Variants in TAFA2 observed in about 807,000 individuals in gnomAD.
The protein encoded by TAFA2 is chemokine-like protein TAFA-2.
Under a neutral mutation model 18.8 loss-of-function variants are expected in TAFA2, and 7 were observed. The ratio of observed to expected loss-of-function variants is 0.37; its 90% CI spans 0.21 to 0.70. TAFA2 has a LOEUF of 0.70. Ranked by LOEUF, TAFA2 falls within the 30% of genes least tolerant of loss-of-function variation. TAFA2 has a pLI of 0.53. For synonymous variants in TAFA2, 60 were observed against 54.2 expected (o/e 1.11, Z -0.47); for missense variants, 122 against 158.1 (o/e 0.77, Z 1.23).
chr12:61,920,403 A>G (rs1877001294), intron 1 of TAFA2, among the ~76,000 whole-genome samples: 1 of 152,206 alleles, frequency 6.6e-6, no homozygotes, highest in Non-Finnish European at 1.5e-5. Flanking sequence ...TTTTAAGGCC[A>G]TGAAAAAGAT....
chr12:62,094,574 A>G (rs530807203), intron 1 of TAFA2, among the ~76,000 whole-genome samples: 3 of 152,204 alleles, frequency 2.0e-5, no homozygotes, highest in African/African-American at 7.2e-5. Flanking sequence ...CAGAAAAAAT[A>G]TAAACCTTAA....
At chr12:62,088,176 T>C (rs1868537790) in intron 1 of TAFA2, among the ~76,000 whole-genome samples, 1 of 152,086 alleles carries the variant, frequency 6.6e-6, no homozygotes, top group Non-Finnish European at 1.5e-5. Context: ...AACAGTATTG[T>C]TAATGAAGGA....
At chr12:61,809,624 T>G (rs537969770) in intron 2 of TAFA2, among the ~76,000 whole-genome samples, 2 of 151,460 alleles carry the variant, frequency 1.3e-5, no homozygotes, top group South Asian at 4.1e-4. Context: ...CATTTTTAAT[T>G]TAAAAAAAAG....
intron 1 of TAFA2, chr12:61,880,732 G>A: frequency 2.7e-6 from 1 of 375,324 alleles, no homozygotes; most frequent in Non-Finnish European, 5.3e-6. Flanking sequence ...ACCCGCGATG[G>A]GAAGCTTGTG....
intron 1 of TAFA2, among the ~76,000 whole-genome samples, chr12:61,943,705 G>A (rs1878139894): frequency 6.6e-6 from 1 of 151,990 alleles, no homozygotes; most frequent in Admixed American, 6.6e-5. Context: ...AAGAGACAAA[G>A]AAGGCCATTA....
chr12:62,074,698 A>ATTTT (rs67195424), intron 1 of TAFA2, among the ~76,000 whole-genome samples: 1 of 137,656 alleles, frequency 7.3e-6, no homozygotes, highest in African/African-American at 2.8e-5. Context: ...AACTACATGA[A>ATTTT]TTTTTTTTTT....
intron 1 of TAFA2, among the ~76,000 whole-genome samples, chr12:62,227,001 TG>T (rs140937286): frequency 0.013 from 2,030 of 152,312 alleles, 49 homozygotes; most frequent in African/African-American, 0.046. Flanking sequence ...GATTTCAATA[TG>T]GGAACACCCT....
chr12:61,815,660 C>CT (rs1379951953), intron 2 of TAFA2, among the ~76,000 whole-genome samples: 1 of 135,732 alleles, frequency 7.4e-6, no homozygotes, highest in Admixed American at 7.5e-5. Flanking sequence ...AAGACTCCGT[C>CT]TAAAAAAAAA....
At chr12:61,852,603 G>T (rs1010586137) in intron 2 of TAFA2, among the ~76,000 whole-genome samples, 13 of 152,176 alleles carry the variant, frequency 8.5e-5, no homozygotes, top group African/African-American at 3.1e-4. Context: ...TTTGGTGCCT[G>T]TCAAATCAAC....
chr12:62,134,550 CAGTCTACAGT>C (rs1178487622), intron 1 of TAFA2, among the ~76,000 whole-genome samples: 1 of 152,004 alleles, frequency 6.6e-6, no homozygotes, highest in Non-Finnish European at 1.5e-5. Flanking sequence ...TTAAGGCACT[CAGTCTACAGT>C]AGTTTGTTAG....
At chr12:61,932,262 A>G (rs1877587420) in intron 1 of TAFA2, among the ~76,000 whole-genome samples, 1 of 152,204 alleles carries the variant, frequency 6.6e-6, no homozygotes, top group South Asian at 2.1e-4. Flanking sequence ...TGGCAAAAAG[A>G]TAAGGTGAGA....
At chr12:62,068,794 GAACA>G (rs1439582814) in intron 1 of TAFA2, among the ~76,000 whole-genome samples, 1 of 152,050 alleles carries the variant, frequency 6.6e-6, no homozygotes, top group Non-Finnish European at 1.5e-5. Context: ...TGGGAAATAA[GAACA>G]AACAGACTAC....
At chr12:62,140,567 A>G (rs1314600012) in intron 1 of TAFA2, among the ~76,000 whole-genome samples, 1 of 152,136 alleles carries the variant, frequency 6.6e-6, no homozygotes, top group Non-Finnish European at 1.5e-5. Context: ...TCCACCCAAT[A>G]TGCTTCTCCT....
At chr12:61,992,951 T>C (rs1880059661) in intron 1 of TAFA2, among the ~76,000 whole-genome samples, 2 of 152,214 alleles carry the variant, frequency 1.3e-5, no homozygotes, top group South Asian at 2.1e-4. Flanking sequence ...GATGCCTGCA[T>C]CATGTCAAAC....
rs187966932 is a variant in TAFA2, at chr12:62,118,191, T to C, written c.-2+73068A>G. On this transcript the variant is annotated intron_variant, in intron 1 of 4. Coordinates refer to ENST00000416284, the MANE Select transcript of TAFA2 (RefSeq NM_178539.5). Reference sequence around the variant, plus strand: ...CACAAAGAATAATTACATATATATGTATCTAAAGGGATATTTTAGTTTTTA... The same window carrying C: ...CACAAAGAATAATTACATATATATGCATCTAAAGGGATATTTTAGTTTTTA... Among the ~76,000 whole-genome samples, 109 of 152,290 alleles carry C rather than the reference T, an allele frequency of 7.2e-4. 1 individual carries two copies. Among genetic ancestry groups the C allele is most frequent in the African/African-American group, 2.5e-3 (102 of 41,578 alleles).
intron 1 of TAFA2, among the ~76,000 whole-genome samples, chr12:62,184,720 G>C (rs1294127382): frequency 6.6e-6 from 1 of 151,080 alleles, no homozygotes; most frequent in African/African-American, 2.4e-5. Flanking sequence ...GGATGGTCTT[G>C]AACTCCTGGG....
At chr12:61,728,999 A>G (rs1032070701) in intron 4 of TAFA2, among the ~76,000 whole-genome samples, 4 of 151,572 alleles carry the variant, frequency 2.6e-5, no homozygotes, top group Admixed American at 2.0e-4. Context: ...TCATTTATGA[A>G]GCTTAGTTTC....
At chr12:61,854,115 G>A (rs1387527327) in intron 2 of TAFA2, among the ~76,000 whole-genome samples, 1 of 152,154 alleles carries the variant, frequency 6.6e-6, no homozygotes, top group Admixed American at 6.5e-5. Context: ...AAAGCTTCTA[G>A]TATAGAAGAC....
intron 1 of TAFA2, chr12:62,070,697 C>A (rs1882608900): frequency 6.6e-6 from 1 of 152,342 alleles, no homozygotes; most frequent in East Asian, 1.9e-4. Flanking sequence ...CTGCCTTGGA[C>A]TCCGAATACT....
Sources: gnomAD v4.1 joint callset for allele counts (sites outside exome capture counted in the v4.1 genomes callset) on GRCh38, gnomAD v4.1.1 for gene constraint, MANE v1.5 for transcripts, NCBI Gene and HGNC (gene_info 2026-07-23, HGNC 2026-07-21) for gene names.